EFR3B: variants seen among roughly 807,000 people sequenced by gnomAD.
EFR3B encodes EFR3 homolog B.
In EFR3B, 64 loss-of-function variants were observed where a neutral mutation model predicts 104.7. The ratio of observed to expected loss-of-function variants is 0.61; its 90% CI spans 0.50 to 0.75. EFR3B has a LOEUF of 0.75. Ranked by LOEUF, EFR3B falls within the 30% of genes least tolerant of loss-of-function variation. The pLI is 0.00. For missense variants in EFR3B, 750 were observed against 1,078.5 expected (o/e 0.70, Z 4.27); for synonymous variants, 385 against 417.9 (o/e 0.92, Z 0.96).
chr2:25,048,710 C>T (rs868377859), intron 1 of EFR3B, among the ~76,000 whole-genome samples: 4 of 152,160 alleles, frequency 2.6e-5, no homozygotes, highest in Non-Finnish European at 5.9e-5. Flanking sequence ...AATATCATTA[C>T]TCATTAGTTT....
At chr2:25,140,055 G>GGC (rs1435219735) in intron 16 of EFR3B, among the ~76,000 whole-genome samples, 4 of 152,346 alleles carry the variant, frequency 2.6e-5, no homozygotes, top group African/African-American at 9.6e-5. Context: ...GCTCAAGCCT[G>GGC]TAATCCCAGC....
intron 16 of EFR3B, among the ~76,000 whole-genome samples, chr2:25,140,539 C>T (rs1670634240): frequency 6.6e-6 from 1 of 152,058 alleles, no homozygotes; most frequent in African/African-American, 2.4e-5. Flanking sequence ...TACCTCCTCA[C>T]CCTCGACACA....
chr2:25,103,530 C>T (rs1239449681), intron 3 of EFR3B, 107 bp from the exon 4 acceptor site: 2 of 1,430,122 alleles, frequency 1.4e-6, no homozygotes, highest in Non-Finnish European at 1.9e-6. Context: ...AGCCTCATTA[C>T]CCGGATGCTG....
intron 1 of EFR3B, among the ~76,000 whole-genome samples, chr2:25,083,259 G>A (rs1482399353): frequency 6.6e-6 from 1 of 152,166 alleles, no homozygotes; most frequent in African/African-American, 2.4e-5. Flanking sequence ...ACGATCCCTA[G>A]AGAGTGAAAG....
At chr2:25,133,582 T>C (rs1010998909) in intron 12 of EFR3B, 148 bp downstream of exon 12, 9 of 874,732 alleles carry the variant, frequency 1.0e-5, no homozygotes, top group Non-Finnish European at 1.6e-5. Flanking sequence ...AAATCTAGCC[T>C]ACGTTCCACT....
chr2:25,145,311 C>T, intron 19 of EFR3B: 1 of 533,552 alleles, frequency 1.9e-6, no homozygotes. Flanking sequence ...GTGGCTCACA[C>T]CTGTGATCCC....
chr2:25,054,510 A>T (rs1667967206), intron 1 of EFR3B, among the ~76,000 whole-genome samples: 1 of 151,906 alleles, frequency 6.6e-6, no homozygotes, highest in African/African-American at 2.4e-5. Flanking sequence ...TTTAGTAGAG[A>T]CGGGGTTTTG....
At chr2:25,146,581 T>G (rs1670823114) in intron 19 of EFR3B, 1 of 152,166 alleles carries the variant, frequency 6.6e-6, no homozygotes, top group African/African-American at 2.4e-5. Flanking sequence ...TAAGAGACCC[T>G]CGGGAATTGA....
intron 2 of EFR3B, among the ~76,000 whole-genome samples, chr2:25,091,662 C>G (rs1558598320): frequency 6.6e-6 from 1 of 152,218 alleles, no homozygotes; most frequent in Non-Finnish European, 1.5e-5. Context: ...TTGTGGCCAT[C>G]ACTGTCCAAC....
At chr2:25,134,119 GT>G (rs1670454896) in intron 12 of EFR3B, among the ~76,000 whole-genome samples, 1 of 151,824 alleles carries the variant, frequency 6.6e-6, no homozygotes, top group East Asian at 1.9e-4. Context: ...AACAGTAATT[GT>G]CTAGAAATGC....
At chr2:25,073,888 A>G (rs574971170) in intron 1 of EFR3B, among the ~76,000 whole-genome samples, 26 of 152,070 alleles carry the variant, frequency 1.7e-4, no homozygotes, top group Non-Finnish European at 3.1e-4. Flanking sequence ...CAGCCTGAGG[A>G]GCACACACCC....
chr2:25,120,568 C>T (rs542653500), intron 4 of EFR3B, among the ~76,000 whole-genome samples: 2 of 152,170 alleles, frequency 1.3e-5, no homozygotes, highest in South Asian at 2.1e-4. Flanking sequence ...CACTTGAACC[C>T]GGGAGGTGGA....
chr2:25,112,855 CT>C (rs1331756233), intron 4 of EFR3B, among the ~76,000 whole-genome samples: 7 of 152,182 alleles, frequency 4.6e-5, no homozygotes, highest in Non-Finnish European at 1.0e-4. Context: ...AGTTCTGTCA[CT>C]GACAGCAGGA....
intron 1 of EFR3B, among the ~76,000 whole-genome samples, chr2:25,056,753 A>G (rs1668032726): frequency 6.6e-6 from 1 of 152,078 alleles, no homozygotes; most frequent in African/African-American, 2.4e-5. Flanking sequence ...TTTTTTCCAC[A>G]GGGCTGCTCA....
Position 25,114,060 on chromosome 2 carries a change from C to T in EFR3B, c.364-7613C>T, listed in dbSNP as rs754577849. ...GAAAAGGGCTTACTCGCTCTAAAAC[C>T]GGAGAGTCCCAACCTCATCTCAGCC... On this transcript the variant is annotated intron_variant, in intron 4 of 22. Coordinates refer to ENST00000403714, the MANE Select transcript of EFR3B (RefSeq NM_014971.2). The surrounding 1 kb of genome is among the most constrained non-coding windows in gnomAD (Gnocchi z 4.0). Among the ~76,000 whole-genome samples the T allele has an allele frequency of 3.3e-5, 5 of 152,184 alleles. No homozygotes were observed. The highest frequency in any genetic ancestry group is 1.9e-4 in the East Asian group (1 of 5,202).
At chr2:25,153,685 A>C in intron 21 of EFR3B, 27 bp from the exon 22 acceptor site, 1 of 1,551,004 alleles carries the variant, frequency 6.4e-7, no homozygotes, top group Non-Finnish European at 8.7e-7. Context: ...CACCCCTGCC[A>C]GCTCACTTCC....
chr2:25,139,205 G>A lies in EFR3B; in HGVS notation c.1854+15G>A, dbSNP rs190147144. ...ACATCCATGAGGTTGGTGTTCTCAC[G>A]ACCAAGAGCTCAGGGGGCCCTCAAC... On this transcript the variant is annotated intron_variant, in intron 16 of 22. Coordinates refer to ENST00000403714, the MANE Select transcript of EFR3B (RefSeq NM_014971.2). 7.7e-6 allele frequency: 12 copies of A among 1,548,596 alleles called. No homozygotes were observed. Among genetic ancestry groups the A allele is most frequent in the Admixed American group, 6.0e-5 (3 of 50,124 alleles).
intron 4 of EFR3B, chr2:25,116,114 T>C (rs1253540692): frequency 6.6e-6 from 1 of 152,220 alleles, no homozygotes; most frequent in African/African-American, 2.4e-5. Context: ...GTGAGTGGAA[T>C]GTATTTGTAC....
intron 1 of EFR3B, among the ~76,000 whole-genome samples, chr2:25,052,884 T>TC (rs1451684521): frequency 6.6e-6 from 1 of 152,098 alleles, no homozygotes; most frequent in Non-Finnish European, 1.5e-5. Flanking sequence ...TATATAATCT[T>TC]CCCCCAACTC....
Sources: gnomAD v4.1 joint callset for allele counts (sites outside exome capture counted in the v4.1 genomes callset) on GRCh38, gnomAD v4.1.1 for gene constraint, Gnocchi (gnomAD v3.1) non-coding constraint, MANE v1.5 for transcripts, NCBI Gene and HGNC (gene_info 2026-07-23, HGNC 2026-07-21) for gene names.